The following AKAP6 variants were observed in gnomAD, a reference collection of about 807,000 sequenced individuals.
AKAP6 encodes the protein A-kinase anchoring protein 6, also known as A-kinase anchor protein 6.
In AKAP6, 58 loss-of-function variants were observed where a neutral mutation model predicts 188.5. The ratio of observed to expected loss-of-function variants is 0.31; its 90% CI spans 0.25 to 0.38. The LOEUF (loss-of-function observed/expected upper bound fraction) is 0.38, where lower values mean the gene tolerates loss of function less well. Among genes scored for constraint, AKAP6 ranks in the 10% least tolerant of loss-of-function variants. The pLI is 1.00. For missense variants in AKAP6, 2,710 were observed against 2,740.0 expected (o/e 0.99, Z 0.24); for synonymous variants, 989 against 998.6 (o/e 0.99, Z 0.18).
chr14:32,641,469 TAA>T (rs35618540), intron 7 of AKAP6, among the ~76,000 whole-genome samples: 47,861 of 119,718 alleles, frequency 0.4, 10,482 homozygotes, highest in East Asian at 0.72. Flanking sequence ...GAAACCCTGC[TAA>T]AAAAAAAAAA....
At chr14:32,641,225 A>G (rs11847888) in intron 7 of AKAP6, among the ~76,000 whole-genome samples, 3,323 of 152,204 alleles carry the variant, frequency 0.022, 127 homozygotes, top group African/African-American at 0.076. Context: ...CTTAGTGTTC[A>G]GAGGGTAGAA....
chr14:32,782,528 A>G (rs2033283956), intron 12 of AKAP6, among the ~76,000 whole-genome samples: 1 of 152,210 alleles, frequency 6.6e-6, no homozygotes, highest in Admixed American at 6.5e-5. Context: ...ACAAAAAGAT[A>G]CTAGAACAAA....
intron 1 of AKAP6, among the ~76,000 whole-genome samples, chr14:32,378,982 G>A (rs1475209370): frequency 1.3e-5 from 2 of 149,040 alleles, no homozygotes; most frequent in Admixed American, 6.7e-5. Context: ...GCAGTGGTGC[G>A]GTCTTGGTTC....
chr14:32,687,911 A>T (rs1159193183), intron 8 of AKAP6, among the ~76,000 whole-genome samples: 1 of 152,122 alleles, frequency 6.6e-6, no homozygotes, highest in Non-Finnish European at 1.5e-5. Context: ...ACCAGTAGAA[A>T]TGTATTCACT....
At chr14:32,534,008 G>A (rs1040878307) in intron 2 of AKAP6, among the ~76,000 whole-genome samples, 3 of 152,014 alleles carry the variant, frequency 2.0e-5, no homozygotes, top group African/African-American at 7.2e-5. Flanking sequence ...ATTAGTTCTT[G>A]GGTTTCAAGA....
At chr14:32,431,340 AG>A (rs1215856571) in intron 1 of AKAP6, among the ~76,000 whole-genome samples, 2 of 152,140 alleles carry the variant, frequency 1.3e-5, no homozygotes, top group African/African-American at 2.4e-5. Context: ...AAAGAAAAAA[AG>A]TGTGGGGTAT....
chr14:32,723,306 G>C (rs1046136645), intron 9 of AKAP6, among the ~76,000 whole-genome samples: 4 of 152,078 alleles, frequency 2.6e-5, no homozygotes, highest in Non-Finnish European at 4.4e-5. Context: ...GGGGGTAGTG[G>C]GGTGAAATGG....
chr14:32,654,088 T>G (rs1019334955), intron 7 of AKAP6, among the ~76,000 whole-genome samples: 1 of 152,190 alleles, frequency 6.6e-6, no homozygotes, highest in Non-Finnish European at 1.5e-5. Flanking sequence ...ATTTCAGATC[T>G]TTATTAAAAA....
chr14:32,818,285 G>A (rs1456946585), intron 12 of AKAP6, among the ~76,000 whole-genome samples: 1 of 151,988 alleles, frequency 6.6e-6, no homozygotes, highest in Non-Finnish European at 1.5e-5. Context: ...CTTTTCCTAT[G>A]GAAATTTTCC....
chr14:32,443,161 CGAGGCA>C (rs1380163383), intron 2 of AKAP6, among the ~76,000 whole-genome samples: 1 of 151,970 alleles, frequency 6.6e-6, no homozygotes, highest in Non-Finnish European at 1.5e-5. Context: ...TTTGGGCGGC[CGAGGCA>C]GGTGGATCAC....
intron 1 of AKAP6, among the ~76,000 whole-genome samples, chr14:32,399,782 T>C (rs1889020642): frequency 6.6e-6 from 1 of 152,140 alleles, no homozygotes; most frequent in Non-Finnish European, 1.5e-5. Context: ...CTTTCTCTCG[T>C]TTTTAATTCC....
intron 11 of AKAP6, among the ~76,000 whole-genome samples, chr14:32,746,333 TG>T (rs1186516470): frequency 1.3e-5 from 2 of 152,164 alleles, no homozygotes; most frequent in Non-Finnish European, 2.9e-5. Flanking sequence ...ACATAGTACC[TG>T]GGTATTACTG....
chr14:32,476,039 C>T (rs994672964), intron 2 of AKAP6, among the ~76,000 whole-genome samples: 1 of 152,142 alleles, frequency 6.6e-6, no homozygotes, highest in Admixed American at 6.5e-5. Flanking sequence ...ACTAGCAGTA[C>T]TTGTATAATA....
chr14:32,513,834 T>G (rs1881377309), intron 2 of AKAP6, among the ~76,000 whole-genome samples: 1 of 152,208 alleles, frequency 6.6e-6, no homozygotes, highest in African/African-American at 2.4e-5. Flanking sequence ...TATACTTTTT[T>G]TCTATATAGA....
At position 32,577,248 on chromosome 14, in the gene AKAP6, C is replaced by G; in HGVS notation, c.2469+6C>G. The G allele has an allele frequency of 6.2e-7, 1 of 1,607,818 alleles. No individual in the cohort carries two copies. Among genetic ancestry groups the G allele is most frequent in the Non-Finnish European group, 8.5e-7 (1 of 1,178,054 alleles). On this transcript the variant is annotated splice_donor_region_variant and intron_variant, in intron 5 of 13. Coordinates refer to ENST00000280979, the MANE Select transcript of AKAP6 (RefSeq NM_004274.5). ...TGTATCTGGAGACACACTTGGTAGG[C>G]AAGATTGTGTTGTTCTTGCTGTCAA...
intron 1 of AKAP6, among the ~76,000 whole-genome samples, chr14:32,331,893 A>G (rs1886545252): frequency 1.3e-5 from 2 of 152,126 alleles, no homozygotes; most frequent in South Asian, 4.1e-4. Flanking sequence ...TGGCTTTCAC[A>G]AATACATTAC....
At chr14:32,425,748 A>G (rs1032541152) in intron 1 of AKAP6, among the ~76,000 whole-genome samples, 1 of 152,080 alleles carries the variant, frequency 6.6e-6, no homozygotes, top group African/African-American at 2.4e-5. Flanking sequence ...TGGATAGTAG[A>G]CCTTTGTTAG....
In AKAP6 at chr14:32,426,695, G is replaced by A. The variant is rs17099065; in HGVS notation, c.-34-6765G>A. Among the ~76,000 whole-genome samples, 540 of 152,304 alleles carry A rather than the reference G, an allele frequency of 3.5e-3. 4 individuals carry two copies. The highest frequency in any genetic ancestry group is 0.021 in the East Asian group (108 of 5,178). ...AGTCCAGGTCCACATATTGATGACC[G>A]TGGGTGCCACTGCGGCTGCCTGCCT... is the stretch of plus-strand genomic sequence containing the variant. On this transcript the variant is annotated intron_variant, in intron 1 of 13. Transcript: ENST00000280979.
intron 2 of AKAP6, among the ~76,000 whole-genome samples, chr14:32,506,869 A>G (rs1199896873): frequency 6.6e-6 from 1 of 152,028 alleles, no homozygotes; most frequent in Non-Finnish European, 1.5e-5. Context: ...AAAATTGCGC[A>G]TCTCTTTTTC....
Sources: gnomAD v4.1 joint callset for allele counts (sites outside exome capture counted in the v4.1 genomes callset) on GRCh38, gnomAD v4.1.1 for gene constraint, MANE v1.5 for transcripts, NCBI Gene and HGNC (gene_info 2026-07-23, HGNC 2026-07-21) for gene names.